Variants in HCRTR2 observed in about 807,000 individuals in gnomAD.
HCRTR2 encodes hypocretin receptor 2.
A neutral mutation model predicts 49.0 loss-of-function variants in HCRTR2; 22 were observed. The ratio of observed to expected loss-of-function variants is 0.45; its 90% CI spans 0.32 to 0.64. The LOEUF (loss-of-function observed/expected upper bound fraction) is 0.64, where lower values mean the gene tolerates loss of function less well. Ranked by LOEUF, HCRTR2 falls within the 30% of genes least tolerant of loss-of-function variation. HCRTR2 has a pLI of 0.04. For synonymous variants in HCRTR2, 236 were observed against 205.3 expected, an observed-to-expected ratio of 1.15 and a Z score of -1.28; for missense variants, 491 against 559.4, an observed-to-expected ratio of 0.88 and a Z score of 1.23.
chr6:55,191,880 T>C (rs997097784), intron 1 of HCRTR2, among the ~76,000 whole-genome samples: 1 of 152,288 alleles, frequency 6.6e-6, no homozygotes, highest in South Asian at 2.1e-4. Context: ...TGGTTACCTA[T>C]CTTTTCTTCA....
intron 1 of HCRTR2, among the ~76,000 whole-genome samples, chr6:55,233,879 A>G (rs566494831): frequency 1.3e-5 from 2 of 152,320 alleles, no homozygotes; most frequent in East Asian, 3.9e-4. Flanking sequence ...AAATCCATGT[A>G]TGTTAGTTAA....
At chr6:55,247,673 C>T (rs922816133) in intron 1 of HCRTR2, among the ~76,000 whole-genome samples, 5 of 151,924 alleles carry the variant, frequency 3.3e-5, no homozygotes, top group African/African-American at 4.8e-5. Context: ...TACGTCAGAC[C>T]GAAGGAAGAC....
chr6:55,138,215 T>C (rs1383604694), intron 1 of HCRTR2, among the ~76,000 whole-genome samples: 1 of 145,072 alleles, frequency 6.9e-6, no homozygotes, highest in East Asian at 1.9e-4. Context: ...AATAGTTAAT[T>C]TTTTTTTGTC....
chr6:55,143,112 G>A (rs1277231687), intron 1 of HCRTR2, among the ~76,000 whole-genome samples: 1 of 151,134 alleles, frequency 6.6e-6, no homozygotes, highest in Non-Finnish European at 1.5e-5. Flanking sequence ...GGCAAAATGT[G>A]ACCATTCAAA....
intron 1 of HCRTR2, among the ~76,000 whole-genome samples, chr6:55,138,347 T>C (rs1334785228): frequency 6.6e-6 from 1 of 152,176 alleles, no homozygotes; most frequent in Non-Finnish European, 1.5e-5. Context: ...TTTAACAAAA[T>C]TCTGTAAATC....
At chr6:55,223,920 A>G (rs1765947505) in intron 1 of HCRTR2, among the ~76,000 whole-genome samples, 1 of 152,224 alleles carries the variant, frequency 6.6e-6, no homozygotes, top group Non-Finnish European at 1.5e-5. Flanking sequence ...AGCAATCTGC[A>G]TGACAAATTT....
Position 55,235,251 on chromosome 6 carries a change from T to C in HCRTR2, c.224-13388T>C, listed in dbSNP as rs139369687. ...ATATTGTACTTCTCAGTCTGAATAG[T>C]AGTTACAAGGGTATGTACACTCTGC... is the stretch of plus-strand genomic sequence containing the variant. On this transcript the variant is annotated intron_variant, in intron 1 of 6. Coordinates refer to ENST00000370862, the MANE Select transcript of HCRTR2 (RefSeq NM_001384272.1). Among the ~76,000 whole-genome samples, 4 of 152,190 alleles carry C rather than the reference T, an allele frequency of 2.6e-5. No homozygotes were observed. The East Asian group carries it at 7.7e-4, about 29-fold the overall frequency.
intron 3 of HCRTR2, among the ~76,000 whole-genome samples, chr6:55,258,211 T>G (rs1420109947): frequency 6.6e-6 from 1 of 152,172 alleles, no homozygotes; most frequent in Non-Finnish European, 1.5e-5. Context: ...TATTGTAAAA[T>G]ATCTTCTATT....
intron 1 of HCRTR2, among the ~76,000 whole-genome samples, chr6:55,147,757 A>G (rs891299420): frequency 1.3e-5 from 2 of 152,204 alleles, no homozygotes; most frequent in African/African-American, 4.8e-5. Flanking sequence ...TACTTGCAAT[A>G]AGAAAAGAGT....
chr6:55,108,251 G>A (rs1307976666), intron 1 of HCRTR2, among the ~76,000 whole-genome samples: 2 of 152,054 alleles, frequency 1.3e-5, no homozygotes, highest in African/African-American at 2.4e-5. Flanking sequence ...ATAGGAGGTA[G>A]GACTAACTTG....
chr6:55,225,753 A>T (rs913596207), intron 1 of HCRTR2, among the ~76,000 whole-genome samples: 1 of 152,228 alleles, frequency 6.6e-6, no homozygotes, highest in African/African-American at 2.4e-5. Context: ...CTGTAATCAA[A>T]TTGTAATTGT....
At position 55,174,773 on chromosome 6, in the gene HCRTR2, C is replaced by T. The variant is rs1339910269; in HGVS notation, c.186C>T (p.Ile62=). 6.2e-6 allele frequency: 10 copies of T among 1,613,904 alleles called. No individual in the cohort carries two copies. Among genetic ancestry groups the T allele is most frequent in the Non-Finnish European group, 7.6e-6 (9 of 1,180,000 alleles). Reference sequence around the variant, plus strand: ...AGTGGGTCCTGATCGCCGGGTACATCATCGTGTTCGTCGTGGCTCTCATTG... The same window carrying T: ...AGTGGGTCCTGATCGCCGGGTACATTATCGTGTTCGTCGTGGCTCTCATTG... ...EYEWVLIAGY[I]IVFVVALIGN... The change falls in exon 1 of 7, where the codon ATC becomes ATT. Residue 62 remains isoleucine, a synonymous_variant. Coordinates refer to ENST00000370862, the MANE Select transcript of HCRTR2 (RefSeq NM_001384272.1).
At chr6:55,110,313 A>C (rs955417233) in intron 1 of HCRTR2, among the ~76,000 whole-genome samples, 11 of 152,046 alleles carry the variant, frequency 7.2e-5, no homozygotes, top group Non-Finnish European at 1.6e-4. Context: ...ACACAACAAC[A>C]ACAACAAAAA....
chr6:55,226,157 T>A (rs9382467), intron 1 of HCRTR2, among the ~76,000 whole-genome samples: 66,622 of 152,082 alleles, frequency 0.44, 15,614 homozygotes, highest in South Asian at 0.57. Context: ...TCTTATGCCT[T>A]GAGATTTTTC....
At chr6:55,250,371 T>C (rs1454386514) in intron 2 of HCRTR2, among the ~76,000 whole-genome samples, 1 of 152,124 alleles carries the variant, frequency 6.6e-6, no homozygotes, top group Non-Finnish European at 1.5e-5. Context: ...TTCAGATAAT[T>C]CTAATATTTC....
chr6:55,136,234 T>C (rs1344663467), intron 1 of HCRTR2, among the ~76,000 whole-genome samples: 2 of 152,142 alleles, frequency 1.3e-5, no homozygotes, highest in East Asian at 3.9e-4. Flanking sequence ...ATGAAAAATA[T>C]ATAGACAATT....
intron 1 of HCRTR2, among the ~76,000 whole-genome samples, chr6:55,164,408 A>C (rs1764847865): frequency 6.6e-6 from 1 of 152,236 alleles, no homozygotes; most frequent in South Asian, 2.1e-4. Flanking sequence ...GATTAAGAAA[A>C]TGTGGCACAT....
chr6:55,129,445 T>G (rs1460205452), intron 1 of HCRTR2, among the ~76,000 whole-genome samples: 1 of 152,096 alleles, frequency 6.6e-6, no homozygotes, highest in Admixed American at 6.6e-5. Flanking sequence ...GAAGATGGCA[T>G]GAAATCCCAT....
chr6:55,146,112 C>G (rs928104183), intron 1 of HCRTR2, among the ~76,000 whole-genome samples: 8 of 152,024 alleles, frequency 5.3e-5, no homozygotes, highest in Admixed American at 5.2e-4. Context: ...AAAAACTTCC[C>G]CTGTAAAATT....
Sources: gnomAD v4.1 joint callset for allele counts (sites outside exome capture counted in the v4.1 genomes callset) on GRCh38, gnomAD v4.1.1 for gene constraint, MANE v1.5 for transcripts, NCBI Gene and HGNC (gene_info 2026-07-23, HGNC 2026-07-21) for gene names.